The following NR4A1 variants were observed in gnomAD, a reference collection of about 807,000 sequenced individuals.
NR4A1 encodes nuclear receptor subfamily 4immunitygroup A member 1.
In NR4A1, 24 loss-of-function variants were observed where a neutral mutation model predicts 47.5. The ratio of observed to expected loss-of-function variants is 0.50; its 90% CI spans 0.37 to 0.71. NR4A1 has a LOEUF of 0.71. Ranked by LOEUF, NR4A1 falls within the 30% of genes least tolerant of loss-of-function variation. The probability of loss-of-function intolerance (pLI) is 0.00; values close to 1 mark genes in which losing one functional copy is unlikely to be tolerated. For synonymous variants in NR4A1, 353 were observed against 345.7 expected (o/e 1.02, Z -0.24); for missense variants, 669 against 788.6 (o/e 0.85, Z 1.82).
chr12:52,025,434 C>T (rs1390943594), intron 1 of NR4A1, among the ~76,000 whole-genome samples: 2 of 152,126 alleles, frequency 1.3e-5, no homozygotes, highest in African/African-American at 4.8e-5. Context: ...CATCTCAGCG[C>T]CTTCCCACCG....
chr12:52,057,190 C>CA lies in NR4A1; in HGVS notation c.1293dup (p.Pro432ThrfsTer3). On this transcript the variant is annotated frameshift_variant, in exon 5 of 7. Transcript: ENST00000394825. LOFTEE classifies it high-confidence loss of function. ...AAGATCCCTGGCTTTGCTGAGCTGTCACCGGCTGACCAGGACCTGTTGCTG... is the reference window on the plus strand; with the variant it reads ...AAGATCCCTGGCTTTGCTGAGCTGTCAACCGGCTGACCAGGACCTGTTGCTG... 6.2e-7 allele frequency: 1 copy of CA among 1,614,088 alleles called. No homozygotes were observed. Among genetic ancestry groups the CA allele is most frequent in the Non-Finnish European group, 8.5e-7 (1 of 1,179,940 alleles).
At chr12:52,023,462 C>T (rs1008526335) in intron 1 of NR4A1, among the ~76,000 whole-genome samples, 4 of 152,166 alleles carry the variant, frequency 2.6e-5, no homozygotes, top group Admixed American at 2.0e-4. Context: ...GAGTGAGTAA[C>T]CGCCTCCCGA....
Position 52,038,346 on chromosome 12 carries a change from A to G in NR4A1, c.-83-3464A>G, listed in dbSNP as rs369038394. The G allele has an allele frequency of 2.4e-4, 52 of 220,882 alleles. 1 individual carries two copies. In the East Asian group the frequency reaches 3.8e-3, roughly 16 times the overall value. 13.7% of individuals were successfully genotyped at this position (220,882 alleles called of 1,614,324 possible). A position where few individuals can be genotyped will look rare whatever the true frequency, so the allele number is the denominator to read the frequency against. On this transcript the variant is annotated intron_variant, in intron 1 of 7. Coordinates refer to the NR4A1 transcript ENST00000360284. The stretch of plus-strand genomic sequence containing the variant: ...CTAAAGTGCTGGGATTACAGGCGTG[A>G]GCCACCGCGCCTGGCAGGCTCATTC...
In NR4A1 at chr12:52,057,251, G is replaced by A; in HGVS notation, c.1353G>A (p.Leu451=). Residue 451 remains leucine (L), a synonymous_variant, in exon 5 of 7, where the codon CTG becomes CTA. Coordinates refer to ENST00000394825, the MANE Select transcript of NR4A1 (RefSeq NM_173157.3). ...SAFLELFILR[L]AYRSKPGEGK... ...TCCTGGAGCTCTTCATCCTCCGCCT[G>A]GCGTACAGGTGAGAGCCACTGACTG... is the stretch of plus-strand genomic sequence containing the variant. 6.2e-7 allele frequency: 1 copy of A among 1,613,668 alleles called. No homozygotes were observed. The highest frequency in any genetic ancestry group is 8.5e-7 in the Non-Finnish European group (1 of 1,179,806).
intron 1 of NR4A1, among the ~76,000 whole-genome samples, chr12:52,040,841 G>A (rs1485720977): frequency 2.6e-5 from 4 of 152,170 alleles, no homozygotes; most frequent in African/African-American, 9.7e-5. Context: ...CCTCATCTCA[G>A]TCTGAAGGGC....
At chr12:52,036,307 G>A (rs1245887509) in intron 1 of NR4A1, among the ~76,000 whole-genome samples, 2 of 152,026 alleles carry the variant, frequency 1.3e-5, no homozygotes, top group Non-Finnish European at 2.9e-5. Context: ...TGGGCCTGAA[G>A]ACTCTGGTCA....
chr12:52,037,320 C>G (rs1430844204), intron 1 of NR4A1: 10 of 973,320 alleles, frequency 1.0e-5, no homozygotes, highest in Non-Finnish European at 1.1e-5. Flanking sequence ...GGGGTCCCCT[C>G]GCGGCGCCCG....
intron 1 of NR4A1, among the ~76,000 whole-genome samples, chr12:52,023,396 G>T (rs936275096): frequency 2.4e-4 from 36 of 152,186 alleles, no homozygotes; most frequent in Non-Finnish European, 1.0e-4. Context: ...GAGCGCAGAG[G>T]GGGCCTCGGG....
intron 2 of NR4A1, chr12:52,045,493 G>T (rs565118366): frequency 2.2e-6 from 1 of 451,692 alleles, no homozygotes; most frequent in East Asian, 7.0e-5. Flanking sequence ...TCCCATGACA[G>T]TGGGGGAGCC....
At chr12:52,026,312 G>T (rs538379385) in intron 1 of NR4A1, among the ~76,000 whole-genome samples, 4 of 152,310 alleles carry the variant, frequency 2.6e-5, no homozygotes, top group African/African-American at 9.6e-5. Context: ...GAAATTGCAA[G>T]GCTAAATGAA....
At chr12:52,031,339 T>C (rs1938123029) in intron 1 of NR4A1, among the ~76,000 whole-genome samples, 2 of 150,930 alleles carry the variant, frequency 1.3e-5, no homozygotes, top group East Asian at 2.0e-4. Flanking sequence ...CTTCCCTCAG[T>C]TTAAAAGCTA....
chr12:52,037,331 G>A (rs1482791610), intron 1 of NR4A1: 15 of 983,730 alleles, frequency 1.5e-5, no homozygotes, highest in African/African-American at 1.8e-5. Context: ...GCGGCGCCCG[G>A]GACCCCCGGC....
intron 1 of NR4A1, among the ~76,000 whole-genome samples, chr12:52,030,677 C>T (rs1214738115): frequency 1.3e-5 from 2 of 152,222 alleles, no homozygotes. Context: ...GATCCGCCTG[C>T]CTTGGCCTCC....
At chr12:52,033,940 G>A (rs1366735336) in intron 1 of NR4A1, among the ~76,000 whole-genome samples, 2 of 152,144 alleles carry the variant, frequency 1.3e-5, no homozygotes, top group African/African-American at 4.8e-5. Flanking sequence ...TTTTACCCCC[G>A]CCCCCGAGGG....
chr12:52,040,841 G>GT (rs1938405720), intron 1 of NR4A1, among the ~76,000 whole-genome samples: 1 of 152,170 alleles, frequency 6.6e-6, no homozygotes, highest in African/African-American at 2.4e-5. Flanking sequence ...CCTCATCTCA[G>GT]TCTGAAGGGC....
At position 52,035,522 on chromosome 12, in the gene NR4A1, C is replaced by G. The variant is rs1017554991; in HGVS notation, c.-83-6288C>G. Among the ~76,000 whole-genome samples the G allele has an allele frequency of 4.6e-5, 7 of 152,178 alleles. No individual in the cohort carries two copies. In the East Asian group the frequency reaches 1.4e-3, roughly 29 times the overall value. On this transcript the variant is annotated intron_variant, in intron 1 of 7. Coordinates refer to the NR4A1 transcript ENST00000360284. The stretch of plus-strand genomic sequence containing the variant: ...GTGGGGTAGCTGCTCCTCTAAGAAG[C>G]CCATGTGAAAGAAGCTGCTGGGGTA...
intron 1 of NR4A1, among the ~76,000 whole-genome samples, chr12:52,035,681 A>G (rs1362264381): frequency 6.6e-6 from 1 of 152,200 alleles, no homozygotes; most frequent in Non-Finnish European, 1.5e-5. Flanking sequence ...AGAAATGTAC[A>G]GGTTCTTGGG....
At chr12:52,036,893 C>T (rs1207304306) in intron 1 of NR4A1, among the ~76,000 whole-genome samples, 3 of 152,228 alleles carry the variant, frequency 2.0e-5, no homozygotes, top group African/African-American at 7.2e-5. Context: ...AACCTAGCCC[C>T]AGGTGCCCAG....
In NR4A1 at chr12:52,059,042, G is replaced by A. The variant is rs909933604; in HGVS notation, c.*98G>A. On this transcript the variant is annotated 3_prime_UTR_variant, in exon 7 of 7. Coordinates refer to ENST00000394825, the MANE Select transcript of NR4A1 (RefSeq NM_173157.3). ...CCAGAGCACCCCCAAGCCTGGGCTT[G>A]AGCTGCAGAATGACTCCACCTTCTC... The A allele has an allele frequency of 2.1e-6, 3 of 1,428,738 alleles. No individual in the cohort carries two copies. In the East Asian group the frequency reaches 7.3e-5, roughly 35 times the overall value. The allele number at this position is 1,428,738 out of a possible 1,614,324, so 88.5% of individuals were successfully genotyped here.
Sources: allele counts gnomAD v4.1 joint callset (sites outside exome capture counted in the v4.1 genomes callset), GRCh38; gene constraint gnomAD v4.1.1; transcripts MANE v1.5; gene names NCBI Gene and HGNC (gene_info 2026-07-23, HGNC 2026-07-21).